The following DNAH14 variants were observed in gnomAD, a reference collection of about 807,000 sequenced individuals.
The protein encoded by DNAH14 is dynein axonemal heavy chain 14, also known as axonemal beta dynein heavy chain 14.
In DNAH14, 478 loss-of-function variants were observed where a neutral mutation model predicts 520.9. The ratio of observed to expected loss-of-function variants is 0.92; its 90% CI spans 0.85 to 0.99. The LOEUF (loss-of-function observed/expected upper bound fraction) is 0.99. Ranked by LOEUF, DNAH14 falls within the 50% of genes least tolerant of loss-of-function variation. DNAH14 has a pLI of 0.00. For missense variants in DNAH14, 4,831 were observed against 5,234.5 expected (o/e 0.92, Z 2.38); for synonymous variants, 1,581 against 1,757.2 (o/e 0.90, Z 2.51).
At chr1:225,382,533 C>T (rs2150761737) in intron 81 of DNAH14, among the ~76,000 whole-genome samples, 1 of 152,016 alleles carries the variant, frequency 6.6e-6, no homozygotes, top group South Asian at 2.1e-4. Context: ...TGGTGAAACC[C>T]CGTCTCTACT....
chr1:225,064,458 C>A (rs1333745791), intron 17 of DNAH14, among the ~76,000 whole-genome samples: 1 of 151,950 alleles, frequency 6.6e-6, no homozygotes, highest in East Asian at 1.9e-4. Flanking sequence ...CAAAGACTTG[C>A]ACCCAAGTGG....
At chr1:225,160,777 GTC>G (rs1193077959) in intron 35 of DNAH14, among the ~76,000 whole-genome samples, 1 of 151,924 alleles carries the variant, frequency 6.6e-6, no homozygotes, top group East Asian at 1.9e-4. Flanking sequence ...TGATTGCATT[GTC>G]TGTTTATCTG....
intron 10 of DNAH14, among the ~76,000 whole-genome samples, chr1:225,016,076 G>A (rs568717059): frequency 9.2e-5 from 14 of 152,134 alleles, no homozygotes; most frequent in Non-Finnish European, 1.6e-4. Flanking sequence ...ACTTTTTTTG[G>A]TGATTGTCTA....
intron 55 of DNAH14, among the ~76,000 whole-genome samples, chr1:225,295,229 TG>T (rs899302634): frequency 5.3e-5 from 8 of 152,176 alleles, no homozygotes; most frequent in Admixed American, 2.0e-4. Context: ...TCTTTGATAT[TG>T]TTTTTTATTA....
At position 225,220,902 on chromosome 1, in the gene DNAH14, T is replaced by G. The variant is rs549235748; in HGVS notation, c.6440-10171T>G. ...GGCATCACACTGCCTTACTTCAAAC[T>G]GTACTACAAGGCTTACAGTAACAAA... On this transcript the variant is annotated intron_variant, in intron 41 of 85. Coordinates refer to ENST00000682510, the MANE Select transcript of DNAH14 (RefSeq NM_001367479.1). 3.7e-4 allele frequency among the ~76,000 whole-genome samples: 57 copies of G among 152,300 alleles called. 1 individual carries two copies. Among genetic ancestry groups the G allele is most frequent in the African/African-American group, 1.3e-3 (53 of 41,564 alleles).
chr1:225,250,053 C>T (rs2149697385), intron 43 of DNAH14, among the ~76,000 whole-genome samples: 1 of 152,302 alleles, frequency 6.6e-6, no homozygotes, highest in Admixed American at 6.5e-5. Context: ...GCAAGTCTTT[C>T]TGTGGACATA....
At chr1:225,230,898 GCTC>G (rs965953878) in intron 41 of DNAH14, among the ~76,000 whole-genome samples, 172 bp from the exon 42 acceptor site, 12 of 152,078 alleles carry the variant, frequency 7.9e-5, no homozygotes, top group African/African-American at 2.9e-4. Flanking sequence ...AACATTCTCT[GCTC>G]CTCTAATTCC....
At chr1:225,277,824 G>C (rs1046323226) in intron 54 of DNAH14, among the ~76,000 whole-genome samples, 11 of 152,278 alleles carry the variant, frequency 7.2e-5, no homozygotes, top group East Asian at 3.9e-4. Context: ...TTAGAAATGT[G>C]AGCTTTTGCA....
At chr1:225,320,994 G>A (rs771833364) in intron 61 of DNAH14, among the ~76,000 whole-genome samples, 1 of 152,094 alleles carries the variant, frequency 6.6e-6, no homozygotes, top group Non-Finnish European at 1.5e-5. Context: ...GGGTAAAATT[G>A]AGGAAAGGTT....
intron 75 of DNAH14, among the ~76,000 whole-genome samples, chr1:225,361,800 G>A (rs538537464): frequency 2.4e-4 from 36 of 152,264 alleles, no homozygotes; most frequent in African/African-American, 8.7e-4. Flanking sequence ...CAAGATAACT[G>A]TTTGGGGCCA....
intron 28 of DNAH14, 140 bp downstream of exon 28, chr1:225,141,161 A>G (rs995374550): frequency 2.0e-5 from 16 of 794,660 alleles, no homozygotes; most frequent in Non-Finnish European, 2.9e-5. Context: ...AAACTGTACC[A>G]ATCTGAGTAT....
At chr1:225,222,181 A>C (rs2090102162) in intron 41 of DNAH14, among the ~76,000 whole-genome samples, 1 of 152,176 alleles carries the variant, frequency 6.6e-6, no homozygotes, top group Non-Finnish European at 1.5e-5. Context: ...GAACCCTCAA[A>C]AATGAAGGTA....
At chr1:224,989,442 C>T (rs921342098) in intron 8 of DNAH14, among the ~76,000 whole-genome samples, 12 of 151,050 alleles carry the variant, frequency 7.9e-5, no homozygotes, top group Non-Finnish European at 1.8e-4. Flanking sequence ...TTGTTGAACT[C>T]ACTTAATAGT....
At chr1:225,285,443 G>C (rs953319484) in intron 54 of DNAH14, among the ~76,000 whole-genome samples, 8 of 152,130 alleles carry the variant, frequency 5.3e-5, no homozygotes, top group African/African-American at 1.9e-4. Flanking sequence ...AGCTACTCAG[G>C]GTGACGCAGG....
intron 26 of DNAH14, among the ~76,000 whole-genome samples, chr1:225,121,997 C>T (rs967423057): frequency 7.9e-5 from 12 of 151,936 alleles, no homozygotes; most frequent in Non-Finnish European, 1.8e-4. Context: ...TTTTTATACT[C>T]CTAAGTCATA....
intron 41 of DNAH14, among the ~76,000 whole-genome samples, chr1:225,220,977 A>C (rs2149508572): frequency 6.6e-6 from 1 of 152,310 alleles, no homozygotes; most frequent in South Asian, 2.1e-4. Context: ...ATGGGACAGA[A>C]CAGAAGCCTC....
chr1:225,113,894 C>T (rs1295495192), intron 23 of DNAH14, among the ~76,000 whole-genome samples: 1 of 152,100 alleles, frequency 6.6e-6, no homozygotes, highest in Non-Finnish European at 1.5e-5. Flanking sequence ...CCATTCTAGC[C>T]CAGGGCAGGT....
At position 225,013,400 on chromosome 1, in the gene DNAH14, C is replaced by T. The variant is rs141859902; in HGVS notation, c.1107+5856C>T. 4.2e-3 allele frequency among the ~76,000 whole-genome samples: 637 copies of T among 152,304 alleles called. 2 individuals carry two copies. The highest frequency in any genetic ancestry group is 7.5e-3 in the Non-Finnish European group (507 of 68,026). ...GAGCTCTCCTGTATGAGGTGTCTGT[C>T]GACCTCTACTGGGAGGTGTTTCCCA... is the stretch of plus-strand genomic sequence containing the variant. On this transcript the variant is annotated intron_variant, in intron 10 of 85. Transcript: ENST00000682510.
intron 17 of DNAH14, among the ~76,000 whole-genome samples, chr1:225,064,955 T>A (rs1049154640): frequency 2.6e-5 from 4 of 152,040 alleles, no homozygotes; most frequent in African/African-American, 9.7e-5. Context: ...GCTGTTCTGT[T>A]TACTATTTGA....
Sources: allele counts gnomAD v4.1 joint callset (sites outside exome capture counted in the v4.1 genomes callset), GRCh38; gene constraint gnomAD v4.1.1; transcripts MANE v1.5; gene names NCBI Gene and HGNC (gene_info 2026-07-23, HGNC 2026-07-21).